STRN3: variants seen among roughly 807,000 people sequenced by gnomAD.
The protein encoded by STRN3 is striatin-3.
Under a neutral mutation model 95.6 loss-of-function variants are expected in STRN3, and 29 were observed. The observed-to-expected ratio is 0.30, with a 90% CI of 0.23 to 0.41. The LOEUF (loss-of-function observed/expected upper bound fraction) is 0.41, where lower values mean the gene tolerates loss of function less well. Among genes scored for constraint, STRN3 ranks in the 10% least tolerant of loss-of-function variants. The pLI, the probability that STRN3 is intolerant of heterozygous loss-of-function variation, is 1.00. For missense variants in STRN3, 890 were observed against 972.1 expected (o/e 0.92, Z 1.12); for synonymous variants, 331 against 357.6 (o/e 0.93, Z 0.84).
At chr14:30,902,673 A>G (rs1258405181) in intron 15 of STRN3, 30 bp from the exon 16 acceptor site, 2 of 1,400,468 alleles carry the variant, frequency 1.4e-6, no homozygotes, top group Non-Finnish European at 2.0e-6. Flanking sequence ...AATAAGTTAA[A>G]ATTCAAACCT....
At chr14:31,014,749 T>A (rs11156654) in intron 1 of STRN3, 102,409 of 441,822 alleles carry the variant, frequency 0.23, 13,059 homozygotes, top group African/African-American at 0.3. Flanking sequence ...CATTATATAT[T>A]GGTCAAAAGC....
At chr14:30,953,462 T>C (rs1879751538) in intron 3 of STRN3, among the ~76,000 whole-genome samples, 1 of 152,248 alleles carries the variant, frequency 6.6e-6, no homozygotes, top group Admixed American at 6.5e-5. Context: ...AGCATTCTAT[T>C]ATGCTAACAT....
At chr14:30,975,470 G>T (rs111706470) in intron 1 of STRN3, among the ~76,000 whole-genome samples, 39 of 150,444 alleles carry the variant, frequency 2.6e-4, no homozygotes, top group Non-Finnish European at 5.2e-4. Context: ...TCAGATGACA[G>T]GTGCGTCAAA....
intron 1 of STRN3, among the ~76,000 whole-genome samples, chr14:30,965,637 TC>T (rs2139176166): frequency 6.6e-6 from 1 of 150,634 alleles, no homozygotes; most frequent in East Asian, 2.0e-4. Context: ...CTGGCCAACA[TC>T]ATGAAACCCC....
intron 1 of STRN3, among the ~76,000 whole-genome samples, chr14:31,003,940 C>T (rs548454879): frequency 1.5e-4 from 23 of 151,494 alleles, no homozygotes; most frequent in Middle Eastern, 3.4e-3. Flanking sequence ...GGCACTTAAG[C>T]CCAGGAGTTT....
intron 7 of STRN3, among the ~76,000 whole-genome samples, chr14:30,931,206 T>C (rs975084136): frequency 7.2e-5 from 11 of 152,176 alleles, no homozygotes; most frequent in East Asian, 1.9e-4. Flanking sequence ...AATGCATATG[T>C]GCACAAACAA....
intron 5 of STRN3, among the ~76,000 whole-genome samples, chr14:30,939,852 T>C (rs1879008394): frequency 6.6e-6 from 1 of 152,068 alleles, no homozygotes; most frequent in South Asian, 2.1e-4. Context: ...ACAGTCTCCA[T>C]CCCACATCCA....
At chr14:30,919,203 AG>A in intron 8 of STRN3, 97 bp from the exon 9 acceptor site, 1 of 1,245,186 alleles carries the variant, frequency 8.0e-7, no homozygotes, top group Non-Finnish European at 1.1e-6. Flanking sequence ...CAGACTATTA[AG>A]AAGTCCCAGT....
At chr14:30,909,291 G>A (rs549197660) in intron 13 of STRN3, among the ~76,000 whole-genome samples, 2 of 152,142 alleles carry the variant, frequency 1.3e-5, no homozygotes, top group Non-Finnish European at 2.9e-5. Flanking sequence ...GATCACTTGA[G>A]CCCAGGAGTT....
chr14:30,989,010 A>AG (rs904406095), intron 1 of STRN3, among the ~76,000 whole-genome samples: 5 of 152,356 alleles, frequency 3.3e-5, no homozygotes, highest in African/African-American at 1.2e-4. Context: ...TCAGGACAGT[A>AG]GATCTCAAGT....
At chr14:30,905,676 G>C in intron 14 of STRN3, 118 bp from the exon 15 acceptor site, 1 of 1,059,226 alleles carries the variant, frequency 9.4e-7, no homozygotes. Context: ...TTGAAATACT[G>C]TTAATAATGA....
At chr14:30,944,450 CAT>C (rs963612744) in intron 5 of STRN3, among the ~76,000 whole-genome samples, 1 of 149,286 alleles carries the variant, frequency 6.7e-6, no homozygotes, top group African/African-American at 2.5e-5. Flanking sequence ...AAAAAATACA[CAT>C]ACACACATAT....
At chr14:30,971,505 A>G (rs1880825323) in intron 1 of STRN3, among the ~76,000 whole-genome samples, 1 of 152,236 alleles carries the variant, frequency 6.6e-6, no homozygotes, top group Non-Finnish European at 1.5e-5. Context: ...ACAGCGATTT[A>G]TTAACTACAC....
At chr14:30,992,715 T>C (rs974629382) in intron 1 of STRN3, among the ~76,000 whole-genome samples, 41 of 152,118 alleles carry the variant, frequency 2.7e-4, no homozygotes, top group African/African-American at 9.2e-4. Flanking sequence ...ATTCCCCCAT[T>C]AAAGAGTGAG....
At chr14:30,941,694 C>T (rs371467950) in intron 5 of STRN3, among the ~76,000 whole-genome samples, 3 of 152,074 alleles carry the variant, frequency 2.0e-5, no homozygotes, top group Non-Finnish European at 4.4e-5. Flanking sequence ...GGCATGATCT[C>T]GGCTCACTGC....
intron 15 of STRN3, among the ~76,000 whole-genome samples, chr14:30,903,899 G>A (rs1308211984): frequency 1.3e-5 from 2 of 152,132 alleles, no homozygotes; most frequent in South Asian, 2.1e-4. Context: ...TCTTTTGGTG[G>A]TAATGGTATT....
At position 31,010,654 on chromosome 14, in the gene STRN3, T is replaced by C. The variant is rs552758484; in HGVS notation, c.282+15250A>G. Among the ~76,000 whole-genome samples the C allele has an allele frequency of 4.6e-5, 7 of 152,264 alleles. No individual in the cohort carries two copies. The East Asian group carries it at 5.8e-4, about 13-fold the overall frequency. On this transcript the variant is annotated intron_variant, in intron 1 of 17. Transcript: ENST00000357479. ...TTTTTAGTTTACCATAAGCATTGCA[T>C]AGTCATTAAACATTCTTCATAAAAT...
At chr14:30,906,505 G>C (rs1252855473) in intron 14 of STRN3, among the ~76,000 whole-genome samples, 2 of 152,134 alleles carry the variant, frequency 1.3e-5, no homozygotes, top group East Asian at 1.9e-4. Flanking sequence ...GTGTGCTCGA[G>C]GTAATGGAAC....
At chr14:31,006,655 A>G (rs976954115) in intron 1 of STRN3, among the ~76,000 whole-genome samples, 1 of 152,130 alleles carries the variant, frequency 6.6e-6, no homozygotes, top group Non-Finnish European at 1.5e-5. Context: ...AGATCGCGCC[A>G]CTGCACTCCA....
Sources: gnomAD v4.1 joint callset for allele counts (sites outside exome capture counted in the v4.1 genomes callset) on GRCh38, gnomAD v4.1.1 for gene constraint, MANE v1.5 for transcripts, NCBI Gene and HGNC (gene_info 2026-07-23, HGNC 2026-07-21) for gene names.